Variants in DOCK5 observed in about 807,000 individuals in gnomAD.
DOCK5 encodes the protein dedicator of cytokinesis 5.
Under a neutral mutation model 251.8 loss-of-function variants are expected in DOCK5, and 142 were observed. The ratio of observed to expected loss-of-function variants is 0.56; its 90% CI spans 0.49 to 0.65. The LOEUF is 0.65. DOCK5 is among the 30% of genes least tolerant of loss of function. The pLI is 0.00. For missense variants in DOCK5, 2,111 were observed against 2,312.3 expected, an observed-to-expected ratio of 0.91 and a Z score of 1.79; for synonymous variants, 842 against 835.5, an observed-to-expected ratio of 1.01 and a Z score of -0.13.
At chr8:25,289,711 G>A (rs1308246770) in intron 5 of DOCK5, among the ~76,000 whole-genome samples, 13 of 151,828 alleles carry the variant, frequency 8.6e-5, no homozygotes, top group Middle Eastern at 3.4e-3. Flanking sequence ...GCGTGGTGGC[G>A]CATGCCTGTA....
intron 26 of DOCK5, among the ~76,000 whole-genome samples, chr8:25,349,301 A>G (rs1483888092): frequency 6.6e-6 from 1 of 152,150 alleles, no homozygotes; most frequent in African/African-American, 2.4e-5. Flanking sequence ...AGTATGAAAA[A>G]CTATGAAAAA....
intron 23 of DOCK5, 143 bp from the exon 24 acceptor site, chr8:25,341,596 A>G: frequency 1.4e-6 from 1 of 703,194 alleles, no homozygotes. Flanking sequence ...GAGCAATGCC[A>G]GCTTTCCTTT....
intron 2 of DOCK5, among the ~76,000 whole-genome samples, chr8:25,258,202 GTCC>G (rs948990767): frequency 2.6e-5 from 4 of 151,628 alleles, no homozygotes; most frequent in Non-Finnish European, 4.4e-5. Context: ...CTGTGATTTG[GTCC>G]TCTTCCTCAT....
chr8:25,384,540 A>G (rs1289882969), intron 40 of DOCK5, among the ~76,000 whole-genome samples: 1 of 149,894 alleles, frequency 6.7e-6, no homozygotes, highest in Non-Finnish European at 1.5e-5. Context: ...GCTCACTGCA[A>G]CCTCCGTCTT....
At chr8:25,238,284 C>T (rs182043553) in intron 1 of DOCK5, among the ~76,000 whole-genome samples, 89 of 152,334 alleles carry the variant, frequency 5.8e-4, no homozygotes, top group African/African-American at 2.1e-3. Context: ...TTGCTGCTTG[C>T]AAGCTGGGTT....
intron 2 of DOCK5, among the ~76,000 whole-genome samples, chr8:25,246,075 T>G (rs1803096635): frequency 6.6e-6 from 1 of 152,196 alleles, no homozygotes; most frequent in Admixed American, 6.5e-5. Context: ...TTCTAACTTT[T>G]AATTCCTATT....
At chr8:25,204,923 T>G (rs761874699) in intron 1 of DOCK5, among the ~76,000 whole-genome samples, 7 of 152,180 alleles carry the variant, frequency 4.6e-5, no homozygotes, top group Admixed American at 1.3e-4. Context: ...AATTCCTATG[T>G]TGAAGCCTCA....
chr8:25,393,044 C>T (rs1012620691), intron 44 of DOCK5, among the ~76,000 whole-genome samples, 162 bp downstream of exon 44: 1 of 152,174 alleles, frequency 6.6e-6, no homozygotes, highest in Admixed American at 6.5e-5. Flanking sequence ...TATAATAGAG[C>T]TCCTTTGTAA....
intron 27 of DOCK5, among the ~76,000 whole-genome samples, chr8:25,354,636 GA>G (rs1244805128): frequency 6.6e-6 from 1 of 151,960 alleles, no homozygotes; most frequent in African/African-American, 2.4e-5. Flanking sequence ...GCATAAGAAG[GA>G]AAAAAAGTGA....
At chr8:25,358,332 C>T (rs143283280) in intron 27 of DOCK5, among the ~76,000 whole-genome samples, 73 of 152,278 alleles carry the variant, frequency 4.8e-4, no homozygotes, top group Non-Finnish European at 9.0e-4. Context: ...CATCAGATCT[C>T]GTGAGAACTC....
chr8:25,325,607 T>C, intron 18 of DOCK5, 60 bp downstream of exon 18: 1 of 1,585,716 alleles, frequency 6.3e-7, no homozygotes, highest in Non-Finnish European at 8.6e-7. Flanking sequence ...CTGGGCTCCT[T>C]GGTTAGGCTC....
chr8:25,241,703 G>T (rs1350617648), intron 1 of DOCK5, among the ~76,000 whole-genome samples: 6 of 152,140 alleles, frequency 3.9e-5, no homozygotes, highest in Non-Finnish European at 8.8e-5. Flanking sequence ...ACATGCACAT[G>T]TATGTTTATT....
chr8:25,195,532 T>G (rs1801702014), intron 1 of DOCK5, among the ~76,000 whole-genome samples: 1 of 152,206 alleles, frequency 6.6e-6, no homozygotes, highest in Non-Finnish European at 1.5e-5. Context: ...CCTCTTTCCC[T>G]TCTGCATTCC....
In DOCK5 at chr8:25,317,029, T is replaced by C. The variant is rs752969815; in HGVS notation, c.1341T>C (p.Tyr447=). The change falls in exon 14 of 52, where the codon TAT becomes TAC. Residue 447 remains tyrosine, a synonymous_variant. Coordinates refer to ENST00000276440, the MANE Select transcript of DOCK5 (RefSeq NM_024940.8). ...CAGGAGATGTTCGGAATGACATTTA[T>C]GTCACCCTGATCCACGGTGAGTTTG... ...ILPGDVRNDI[Y]VTLIHGEFDK... 1 of 1,613,856 alleles carries C rather than the reference T, an allele frequency of 6.2e-7. No homozygotes were observed. The highest frequency in any genetic ancestry group is 8.5e-7 in the Non-Finnish European group (1 of 1,179,878).
intron 1 of DOCK5, among the ~76,000 whole-genome samples, chr8:25,207,440 C>G (rs1802027133): frequency 2.0e-5 from 3 of 152,178 alleles, no homozygotes; most frequent in Admixed American, 2.0e-4. Context: ...TGACGGGCAT[C>G]AAAGGATAGG....
At chr8:25,195,271 T>A (rs1801693813) in intron 1 of DOCK5, among the ~76,000 whole-genome samples, 1 of 150,544 alleles carries the variant, frequency 6.6e-6, no homozygotes, top group Non-Finnish European at 1.5e-5. Context: ...TTTTTTTTTT[T>A]TTTTAAGATG....
At chr8:25,392,752 C>A in intron 43 of DOCK5, 44 bp from the exon 44 acceptor site, 1 of 1,520,094 alleles carries the variant, frequency 6.6e-7, no homozygotes, top group Non-Finnish European at 9.1e-7. Context: ...ATGTTTTCCT[C>A]CTGGGAATTG....
At chr8:25,261,326 A>G (rs1351578669) in intron 2 of DOCK5, among the ~76,000 whole-genome samples, 1 of 152,208 alleles carries the variant, frequency 6.6e-6, no homozygotes, top group Non-Finnish European at 1.5e-5. Flanking sequence ...TTAATCTCCA[A>G]TCTGCAGTTG....
At chr8:25,217,954 A>G (rs1281032351) in intron 1 of DOCK5, among the ~76,000 whole-genome samples, 1 of 152,228 alleles carries the variant, frequency 6.6e-6, no homozygotes, top group Non-Finnish European at 1.5e-5. Flanking sequence ...TGGTTTTCCA[A>G]TTACTATAAA....
Sources: gnomAD v4.1 joint callset for allele counts (sites outside exome capture counted in the v4.1 genomes callset) on GRCh38, gnomAD v4.1.1 for gene constraint, MANE v1.5 for transcripts, NCBI Gene and HGNC (gene_info 2026-07-23, HGNC 2026-07-21) for gene names.